FHOD3: variants seen among roughly 807,000 people sequenced by gnomAD.
FHOD3 encodes the protein FH1/FH2 domain-containing protein 3.
A neutral mutation model predicts 173.0 loss-of-function variants in FHOD3; 90 were observed. That is an observed-to-expected ratio of 0.52 (90% confidence interval 0.44 to 0.62). The LOEUF is 0.62. Ranked by LOEUF, FHOD3 falls within the 20% of genes least tolerant of loss-of-function variation. FHOD3 has a pLI of 0.00. For synonymous variants in FHOD3, 828 were observed against 823.0 expected, an observed-to-expected ratio of 1.01 and a Z score of -0.10; for missense variants, 1,945 against 2,034.7, an observed-to-expected ratio of 0.96 and a Z score of 0.85.
At chr18:36,689,490 C>G (rs1426902952) in intron 16 of FHOD3, among the ~76,000 whole-genome samples, 1 of 152,206 alleles carries the variant, frequency 6.6e-6, no homozygotes. Context: ...TATCATCTCA[C>G]TCCATAATTT....
At chr18:36,382,241 G>A (rs74564665) in intron 3 of FHOD3, among the ~76,000 whole-genome samples, 2,263 of 152,276 alleles carry the variant, frequency 0.015, 42 homozygotes, top group African/African-American at 0.051. Context: ...AGACTTTGAT[G>A]AGCGAATGAA....
At chr18:36,652,020 T>C (rs1035976631) in intron 11 of FHOD3, among the ~76,000 whole-genome samples, 3 of 152,246 alleles carry the variant, frequency 2.0e-5, no homozygotes, top group Non-Finnish European at 4.4e-5. Flanking sequence ...TTTAGCTCTT[T>C]GCCTTCCTCG....
intron 6 of FHOD3, among the ~76,000 whole-genome samples, chr18:36,593,945 A>T (rs1248572156): frequency 1.3e-5 from 2 of 152,144 alleles, no homozygotes; most frequent in Admixed American, 1.3e-4. Context: ...GAGGTGTATG[A>T]GTTCCTTTAG....
intron 5 of FHOD3, among the ~76,000 whole-genome samples, chr18:36,564,734 C>T (rs374638586): frequency 1.8e-4 from 27 of 152,164 alleles, no homozygotes; most frequent in East Asian, 7.7e-4. Context: ...GGAGGGGAGA[C>T]GGGCCCTCCC....
In FHOD3 at chr18:36,594,852, C is replaced by A. The variant is rs763044140; in HGVS notation, c.672C>A (p.Asn224Lys). 6.2e-7 allele frequency: 1 copy of A among 1,613,886 alleles called. No individual in the cohort carries two copies. The highest frequency in any genetic ancestry group is 1.3e-5 in the African/African-American group (1 of 75,002). The change falls in exon 7 of 29, where the codon AAC becomes AAA. Residue 224 changes from asparagine to lysine, a missense_variant. By Grantham distance (94) the Asn-to-Lys change is moderately conservative. Around this residue, in one of 5 missense-constraint regions of FHOD3, gnomAD observed 16 missense variants for 34.0 expected, o/e 0.47. Transcript: ENST00000590592. Reference sequence around the variant, plus strand: ...TCTTTGTAGAGTACTCGGAGTCCAACGCACCTCTCCTAATTCAGGCTGTCA... The same window carrying A: ...TCTTTGTAGAGTACTCGGAGTCCAAAGCACCTCTCCTAATTCAGGCTGTCA... ...LLVFVEYSES[N>K]APLLIQAVTA... is the part of the protein sequence containing the mutation.
rs776621508 is a variant in FHOD3, at chr18:36,555,601, G to GACAGAAATCTA, written c.512-20850_512-20849insACAGAAATCTA. Among the ~76,000 whole-genome samples the GACAGAAATCTA allele has an allele frequency of 9.9e-5, 15 of 152,154 alleles. No homozygotes were observed. The South Asian group carries it at 2.3e-3, about 23-fold the overall frequency. On this transcript the variant is annotated intron_variant, in intron 5 of 28. Coordinates refer to ENST00000590592, the MANE Select transcript of FHOD3 (RefSeq NM_001281740.3). ...TATACTTATTTTCTGTCTCCTTTCA[G>GACAGAAATCTA]TAATCTATATAGATTACTGTGAGAT...
chr18:36,410,679 G>A (rs1011989680), intron 3 of FHOD3, among the ~76,000 whole-genome samples: 1 of 152,044 alleles, frequency 6.6e-6, no homozygotes, highest in African/African-American at 2.4e-5. Flanking sequence ...TGTCTGTCTC[G>A]TTGATTATAG....
At position 36,602,705 on chromosome 18, in the gene FHOD3, C is replaced by T. The variant is rs754924572; in HGVS notation, c.750C>T (p.Ile250=). Reference sequence around the variant, plus strand: ...AACCTTGGTCAAATATCATGGAAATCCTGGAGGAAAAAGATGGAGTTGATA... The same window carrying T: ...AACCTTGGTCAAATATCATGGAAATTCTGGAGGAAAAAGATGGAGTTGATA... ...GVKPWSNIME[I]LEEKDGVDTE... is the part of the protein sequence containing the mutation. The change falls in exon 8 of 29, where the codon ATC becomes ATT. Residue 250 remains isoleucine (I), a synonymous_variant. Transcript: ENST00000590592. 2 of 1,613,978 alleles carry T rather than the reference C, an allele frequency of 1.2e-6. No individual in the cohort carries two copies. Among genetic ancestry groups the T allele is most frequent in the Admixed American group, 1.7e-5 (1 of 59,996 alleles).
At chr18:36,622,663 A>G (rs963438961) in intron 9 of FHOD3, among the ~76,000 whole-genome samples, 1 of 152,216 alleles carries the variant, frequency 6.6e-6, no homozygotes, top group African/African-American at 2.4e-5. Flanking sequence ...TAGTGCTCCC[A>G]CGGAGGATAC....
intron 5 of FHOD3, among the ~76,000 whole-genome samples, chr18:36,539,876 G>A (rs933720613): frequency 6.6e-6 from 1 of 152,162 alleles, no homozygotes; most frequent in African/African-American, 2.4e-5. Context: ...GCCTGGTTCC[G>A]ATGTGGCAAT....
chr18:36,342,992 T>C (rs1371169380), intron 1 of FHOD3, among the ~76,000 whole-genome samples: 2 of 152,232 alleles, frequency 1.3e-5, no homozygotes, highest in Non-Finnish European at 2.9e-5. Flanking sequence ...TTATTAGGAT[T>C]GCCATAATAA....
chr18:36,334,937 T>C (rs1212340874), intron 1 of FHOD3, among the ~76,000 whole-genome samples: 1 of 152,174 alleles, frequency 6.6e-6, no homozygotes, highest in Non-Finnish European at 1.5e-5. Context: ...TCTGAAGTGC[T>C]CCAGGGGCCA....
At chr18:36,365,060 C>G (rs2046830163) in intron 2 of FHOD3, among the ~76,000 whole-genome samples, 1 of 152,084 alleles carries the variant, frequency 6.6e-6, no homozygotes. Flanking sequence ...ATGAGCTAAT[C>G]AAGATGTCAA....
chr18:36,738,982 T>C (rs2041775996), intron 20 of FHOD3, among the ~76,000 whole-genome samples: 1 of 152,186 alleles, frequency 6.6e-6, no homozygotes. Context: ...TGTTTTCTGG[T>C]CCCAACCCTG....
At chr18:36,596,899 G>T (rs567012400) in intron 7 of FHOD3, among the ~76,000 whole-genome samples, 202 of 152,290 alleles carry the variant, frequency 1.3e-3, no homozygotes, top group Middle Eastern at 6.8e-3. Context: ...CAGAAACCAG[G>T]TCTAGCATTT....
intron 9 of FHOD3, among the ~76,000 whole-genome samples, chr18:36,618,375 C>T (rs116339957): frequency 0.027 from 3,480 of 128,470 alleles, 158 homozygotes; most frequent in African/African-American, 0.098. Flanking sequence ...GTGCAAGGTG[C>T]GATCTTGGCT....
rs369156651 is a variant in FHOD3 at position 36,365,772 on chromosome 18, A to G, written c.273-6908A>G. ...ACGGCCGGGCTAGGTGTGGGGAGAA[A>G]TTCCAGCTTCTGTGATGAGAGGACA... On this transcript the variant is annotated intron_variant, in intron 2 of 28. Coordinates refer to ENST00000590592, the MANE Select transcript of FHOD3 (RefSeq NM_001281740.3). Among the ~76,000 whole-genome samples, 8 of 152,138 alleles carry G rather than the reference A, an allele frequency of 5.3e-5. 1 individual carries two copies. In the East Asian group the frequency reaches 1.2e-3, roughly 22 times the overall value.
At chr18:36,711,236 G>C (rs1388716591) in intron 18 of FHOD3, 1 of 152,150 alleles carries the variant, frequency 6.6e-6, no homozygotes, top group Non-Finnish European at 1.5e-5. Context: ...GTGGAGTCCG[G>C]GCAGCTATGT....
At chr18:36,767,184 A>T (rs1390139214) in intron 27 of FHOD3, among the ~76,000 whole-genome samples, 2 of 152,226 alleles carry the variant, frequency 1.3e-5, no homozygotes, top group Non-Finnish European at 2.9e-5. Context: ...GCTGAAAAAA[A>T]CTGGCCTAAT....
Sources: gnomAD v4.1 joint callset for allele counts (sites outside exome capture counted in the v4.1 genomes callset) on GRCh38, gnomAD v4.1.1 for gene constraint, gnomAD v4.1.1 regional missense constraint, MANE v1.5 for transcripts, NCBI Gene and HGNC (gene_info 2026-07-23, HGNC 2026-07-21) for gene names.